Variants in STK38L observed in about 807,000 individuals in gnomAD.
STK38L encodes the protein serine/threonine kinase 38 like, also known as serine/threonine-protein kinase 38-like.
In STK38L, 28 loss-of-function variants were observed where a neutral mutation model predicts 59.7. That is an observed-to-expected ratio of 0.47 (90% CI 0.35 to 0.64). The LOEUF is 0.64. Ranked by LOEUF, STK38L falls within the 30% of genes least tolerant of loss-of-function variation. The pLI is 0.01. For missense variants in STK38L, 314 were observed against 555.8 expected, an observed-to-expected ratio of 0.56 and a Z score of 4.37; for synonymous variants, 162 against 176.8, an observed-to-expected ratio of 0.92 and a Z score of 0.66.
chr12:27,314,675 G>T lies in STK38L; in HGVS notation c.672+17G>T. The T allele has an allele frequency of 2.5e-6, 4 of 1,576,226 alleles. 1 individual carries two copies. The South Asian group carries it at 4.7e-5, about 19-fold the overall frequency. Reference sequence around the variant, plus strand: ...GATGCCAAGGCATGTGAATAAACTGGTGAATTACTAGGCTGTTGATTATTT... The same window carrying T: ...GATGCCAAGGCATGTGAATAAACTGTTGAATTACTAGGCTGTTGATTATTT... On this transcript the variant is annotated intron_variant, in intron 7 of 13. Transcript: ENST00000389032.
chr12:27,312,860 A>G (rs1944488145), intron 6 of STK38L, among the ~76,000 whole-genome samples, 188 bp downstream of exon 6: 1 of 152,258 alleles, frequency 6.6e-6, no homozygotes, highest in Non-Finnish European at 1.5e-5. Flanking sequence ...AAGGAATTAT[A>G]AAGTTAGCAC....
chr12:27,301,579 C>A (rs760222792), intron 2 of STK38L, among the ~76,000 whole-genome samples: 4 of 152,126 alleles, frequency 2.6e-5, no homozygotes, highest in Non-Finnish European at 5.9e-5. Flanking sequence ...TTTTTAAAAA[C>A]ACACATATAT....
chr12:27,284,834 T>G (rs1166395430), intron 1 of STK38L, among the ~76,000 whole-genome samples: 2 of 152,232 alleles, frequency 1.3e-5, no homozygotes, highest in African/African-American at 2.4e-5. Context: ...AAAATTTCCT[T>G]CCTGCCTCAA....
intron 5 of STK38L, among the ~76,000 whole-genome samples, chr12:27,310,343 A>G (rs946406584): frequency 6.6e-6 from 1 of 152,150 alleles, no homozygotes; most frequent in Non-Finnish European, 1.5e-5. Context: ...AAAGAAAGAT[A>G]ATGATGGCAA....
intron 9 of STK38L, 51 bp downstream of exon 9, chr12:27,315,401 A>G (rs1260209869): frequency 2.1e-6 from 3 of 1,438,192 alleles, no homozygotes; most frequent in Non-Finnish European, 2.9e-6. Flanking sequence ...CTAAAATCTT[A>G]CCTGGTTTTA....
intron 1 of STK38L, among the ~76,000 whole-genome samples, chr12:27,259,944 A>G (rs1468033102): frequency 6.6e-6 from 1 of 151,942 alleles, no homozygotes; most frequent in Non-Finnish European, 1.5e-5. Context: ...GAATCTTCCC[A>G]TTTTCTGTCA....
chr12:27,257,949 C>T (rs933501505), intron 1 of STK38L, among the ~76,000 whole-genome samples: 14 of 151,620 alleles, frequency 9.2e-5, no homozygotes, highest in Middle Eastern at 3.5e-3. Flanking sequence ...GCAACTTCTG[C>T]CTCCCGGGTT....
rs1482004551 is a variant in STK38L at position 27,308,918 on chromosome 12, TAATATATATAA to T, written c.310-183_310-173del. 2.8e-4 allele frequency among the ~76,000 whole-genome samples: 41 copies of T among 144,690 alleles called. No individual in the cohort carries two copies. Among genetic ancestry groups the T allele is most frequent in the African/African-American group, 9.7e-4 (38 of 39,334 alleles). The allele number at this position is 144,690 out of a possible 152,430, so 94.9% of individuals were successfully genotyped here. ...TATATAAATATATATAAATATATATTAATATATATAAAATATATATAAATATATATATAACA... is the reference window on the plus strand; with the variant it reads ...TATATAAATATATATAAATATATATTAATATATATAAATATATATATAACA... On this transcript the variant is annotated intron_variant, in intron 4 of 13. Transcript: ENST00000389032. The surrounding 1 kb of genome is among the most constrained non-coding windows in gnomAD (Gnocchi z 4.5).
At chr12:27,253,969 A>G (rs568091449) in intron 1 of STK38L, among the ~76,000 whole-genome samples, 9 of 152,242 alleles carry the variant, frequency 5.9e-5, no homozygotes, top group Admixed American at 3.9e-4. Context: ...CTCACTCCCA[A>G]CCTGGAGTGC....
chr12:27,285,414 T>C lies in STK38L; in HGVS notation c.-11-12296T>C, dbSNP rs751516249. Among the ~76,000 whole-genome samples the C allele has an allele frequency of 6.6e-5, 10 of 152,316 alleles. No homozygotes were observed. The South Asian group carries it at 2.1e-3, about 32-fold the overall frequency. ...TTTTATTTTATATACTCACTTAAAC[T>C]CAGTCTATTTTTCAAGTTTTGTTGT... On this transcript the variant is annotated intron_variant, in intron 1 of 13. Coordinates refer to ENST00000389032, the MANE Select transcript of STK38L (RefSeq NM_015000.4).
intron 6 of STK38L, 121 bp from the exon 7 acceptor site, chr12:27,314,383 A>C (rs1944532707): frequency 1.3e-6 from 1 of 782,476 alleles, no homozygotes; most frequent in Non-Finnish European, 1.8e-6. Flanking sequence ...CCCAGGCAAC[A>C]GAGTGAGACT....
At chr12:27,289,206 C>A (rs1166215925) in intron 1 of STK38L, among the ~76,000 whole-genome samples, 1 of 152,084 alleles carries the variant, frequency 6.6e-6, no homozygotes, top group Non-Finnish European at 1.5e-5. Context: ...CTGCTTCTTT[C>A]TGAATGTTTT....
At chr12:27,244,999 A>G (rs1224914627) in intron 1 of STK38L, among the ~76,000 whole-genome samples, 11 of 152,220 alleles carry the variant, frequency 7.2e-5, no homozygotes. Flanking sequence ...AGAAAAGAGT[A>G]TAACCGATTG....
At chr12:27,288,113 C>T (rs1943816563) in intron 1 of STK38L, among the ~76,000 whole-genome samples, 1 of 152,098 alleles carries the variant, frequency 6.6e-6, no homozygotes, top group Non-Finnish European at 1.5e-5. Flanking sequence ...AACTCCTGAC[C>T]TCAAGTCATC....
chr12:27,268,358 A>T (rs913848206), intron 1 of STK38L, among the ~76,000 whole-genome samples: 11 of 151,896 alleles, frequency 7.2e-5, no homozygotes, highest in African/African-American at 2.4e-4. Context: ...TATGAGTGAG[A>T]ACATGTGGTG....
At chr12:27,282,653 G>A (rs61915910) in intron 1 of STK38L, among the ~76,000 whole-genome samples, 6,486 of 152,186 alleles carry the variant, frequency 0.043, 521 homozygotes, top group East Asian at 0.39. Flanking sequence ...GTCTGGCCGT[G>A]TATATCAGAA....
chr12:27,302,526 C>A, intron 3 of STK38L: 1 of 169,862 alleles, frequency 5.9e-6, no homozygotes. Context: ...TAGTTCAGTG[C>A]TATTACCCTG....
chr12:27,317,737 C>A, intron 10 of STK38L, 159 bp from the exon 11 acceptor site: 1 of 916,412 alleles, frequency 1.1e-6, no homozygotes, highest in South Asian at 1.8e-5. Flanking sequence ...ATTTTATTGA[C>A]TTTATTAGCA....
intron 5 of STK38L, among the ~76,000 whole-genome samples, chr12:27,311,809 T>C (rs138003384): frequency 7.9e-5 from 12 of 152,226 alleles, no homozygotes; most frequent in Admixed American, 2.0e-4. Context: ...CTGGGACCTT[T>C]GTTTAACAAT....
Sources: allele counts gnomAD v4.1 joint callset (sites outside exome capture counted in the v4.1 genomes callset), GRCh38; gene constraint gnomAD v4.1.1; non-coding constraint Gnocchi (gnomAD v3.1); transcripts MANE v1.5; gene names NCBI Gene and HGNC (gene_info 2026-07-23, HGNC 2026-07-21).